The following RBL1 variants were observed in gnomAD, a reference collection of about 807,000 sequenced individuals.
The protein encoded by RBL1 is retinoblastoma-like protein 1.
A neutral mutation model predicts 123.0 loss-of-function variants in RBL1; 82 were observed. The ratio of observed to expected loss-of-function variants is 0.67; its 90% confidence interval spans 0.56 to 0.80. The LOEUF (loss-of-function observed/expected upper bound fraction) is 0.80. RBL1 is among the 30% of genes least tolerant of loss of function. RBL1 has a pLI of 0.00. For missense variants in RBL1, 1,171 were observed against 1,299.6 expected, an observed-to-expected ratio of 0.90 and a Z score of 1.52; for synonymous variants, 405 against 441.3, an observed-to-expected ratio of 0.92 and a Z score of 1.03.
At position 37,050,338 on chromosome 20, in the gene RBL1, T is replaced by C. The variant is rs147608133; in HGVS notation, c.1468-3148A>G. Among the ~76,000 whole-genome samples the C allele has an allele frequency of 6.3e-3, 956 of 151,608 alleles. 9 individuals are homozygous for C. Among genetic ancestry groups the C allele is most frequent in the South Asian group, 0.024 (117 of 4,808 alleles). On this transcript the variant is annotated intron_variant, in intron 11 of 21. Transcript: ENST00000373664. Reference sequence around the variant, plus strand: ...ACGGGCAGATCACAAGGTCAGGAGATCGAGACCATCCTGGCTAACATGGGT... The same window carrying C: ...ACGGGCAGATCACAAGGTCAGGAGACCGAGACCATCCTGGCTAACATGGGT...
At chr20:37,012,410 G>C (rs1408683486) in intron 19 of RBL1, among the ~76,000 whole-genome samples, 1 of 151,356 alleles carries the variant, frequency 6.6e-6, no homozygotes, top group African/African-American at 2.4e-5. Context: ...ATCCCATCTA[G>C]GAAGTGAGGA....
In RBL1 at chr20:37,067,015, G is replaced by T. The variant is rs750876717; in HGVS notation, c.663C>A (p.Asp221Glu). The T allele has an allele frequency of 6.2e-7, 1 of 1,608,538 alleles. No individual in the cohort carries two copies. The highest frequency in any genetic ancestry group is 1.1e-5 in the South Asian group (1 of 90,380). ...ANAIMCPNRQ[D>E]LLNPSFKGLP... ...TACCTTTAAATGATGGATTTAGCAAGTCTTGTCTATTTGGGCACATAATCG... is the reference window on the plus strand; with the variant it reads ...TACCTTTAAATGATGGATTTAGCAATTCTTGTCTATTTGGGCACATAATCG... Residue 221 changes from aspartate (D) to glutamate (E), a missense_variant, in exon 5 of 22, where the codon GAC (aspartate) becomes GAA (glutamate). Coordinates refer to ENST00000373664, the MANE Select transcript of RBL1 (RefSeq NM_002895.5).
chr20:37,002,548 C>T (rs1407685958), intron 21 of RBL1, among the ~76,000 whole-genome samples: 4 of 151,162 alleles, frequency 2.6e-5, no homozygotes, highest in African/African-American at 9.7e-5. Context: ...ACCATGTTGG[C>T]CAGGCTGGTC....
chr20:37,067,223 G>A lies in RBL1; in HGVS notation c.556+10C>T. On this transcript the variant is annotated intron_variant, in intron 4 of 21. Transcript: ENST00000373664. ...GTAGAAATGTAAGACCACTGAAAGT[G>A]TCATCTTACCCTTAGTATAAACAAA... The A allele has an allele frequency of 6.3e-7, 1 of 1,594,788 alleles. No individual in the cohort carries two copies. The highest frequency in any genetic ancestry group is 8.5e-7 in the Non-Finnish European group (1 of 1,173,540).
At chr20:37,095,232 G>A (rs1177875945) in intron 1 of RBL1, among the ~76,000 whole-genome samples, 1 of 152,166 alleles carries the variant, frequency 6.6e-6, no homozygotes, top group African/African-American at 2.4e-5. Flanking sequence ...GCGACCGGCA[G>A]CTCCACCCTG....
chr20:37,067,089 T>C lies in RBL1; in HGVS notation c.589A>G (p.Asn197Asp). 6.2e-7 allele frequency: 1 copy of C among 1,603,338 alleles called. No individual in the cohort carries two copies. The highest frequency in any genetic ancestry group is 8.5e-7 in the Non-Finnish European group (1 of 1,176,998). The change falls in exon 5 of 22, where the codon AAC (asparagine) becomes GAC (aspartate). Residue 197 changes from asparagine to aspartate, a missense_variant. Coordinates refer to ENST00000373664, the MANE Select transcript of RBL1 (RefSeq NM_002895.5). The stretch of plus-strand genomic sequence containing the variant: ...CAGCATAGAAGTAAATGATAAGAGT[T>C]TACTAAGTCATCCCCAATCATCCGA... ...NFRMIGDDLV[N>D]SYHLLLCCLD...
At chr20:37,016,359 T>A (rs528767321) in intron 19 of RBL1, among the ~76,000 whole-genome samples, 1 of 152,008 alleles carries the variant, frequency 6.6e-6, no homozygotes, top group Non-Finnish European at 1.5e-5. Flanking sequence ...CCTCGTTGCC[T>A]TGAAAAGGCT....
At position 37,013,301 on chromosome 20, in the gene RBL1, G is replaced by A. The variant is rs2064194587; in HGVS notation, c.2722+4978C>T. Reference sequence around the variant, plus strand: ...TCTGTGACCTTACCCCCAACCCTGTGCTCTCTGAAACATGTGCTGTGTCCA... The same window carrying A: ...TCTGTGACCTTACCCCCAACCCTGTACTCTCTGAAACATGTGCTGTGTCCA... On this transcript the variant is annotated intron_variant, in intron 19 of 21. Coordinates refer to ENST00000373664, the MANE Select transcript of RBL1 (RefSeq NM_002895.5). Among the ~76,000 whole-genome samples the A allele has an allele frequency of 3.3e-5, 5 of 151,708 alleles. No homozygotes were observed. The South Asian group carries it at 1.0e-3, about 32-fold the overall frequency.
chr20:37,052,783 T>G (rs2064939836), intron 11 of RBL1, among the ~76,000 whole-genome samples: 1 of 152,126 alleles, frequency 6.6e-6, no homozygotes, highest in Admixed American at 6.5e-5. Flanking sequence ...GTGCTAGGAT[T>G]AGAGATGTGA....
intron 1 of RBL1, 47 bp downstream of exon 1, chr20:37,095,726 G>T: frequency 6.6e-7 from 1 of 1,508,130 alleles, no homozygotes; most frequent in Non-Finnish European, 8.9e-7. Flanking sequence ...GGCAGGGGTG[G>T]GGCCTGGCGA....
At chr20:37,069,366 C>G (rs1200549219) in intron 2 of RBL1, among the ~76,000 whole-genome samples, 2 of 150,508 alleles carry the variant, frequency 1.3e-5, no homozygotes, top group African/African-American at 4.9e-5. Context: ...CGTCTCCGCC[C>G]GGCCGCCATC....
chr20:37,076,462 C>T (rs543928350), intron 2 of RBL1, among the ~76,000 whole-genome samples: 1 of 152,258 alleles, frequency 6.6e-6, no homozygotes, highest in South Asian at 2.1e-4. Flanking sequence ...CTGAGAGGGC[C>T]ACTAAGTGGC....
At chr20:37,067,395 A>C in intron 3 of RBL1, 98 bp from the exon 4 acceptor site, 1 of 914,048 alleles carries the variant, frequency 1.1e-6, no homozygotes, top group Non-Finnish European at 1.6e-6. Flanking sequence ...CAAATTACAC[A>C]TGAAATTCCA....
chr20:37,016,021 GTTTTTT>G (rs1205524942), intron 19 of RBL1, among the ~76,000 whole-genome samples: 2 of 112,508 alleles, frequency 1.8e-5, no homozygotes, highest in Non-Finnish European at 3.5e-5. Context: ...GTGCCCAGCG[GTTTTTT>G]TTTTTTTTTT....
At chr20:37,069,875 G>A (rs1291252073) in intron 2 of RBL1, among the ~76,000 whole-genome samples, 2 of 150,044 alleles carry the variant, frequency 1.3e-5, no homozygotes. Flanking sequence ...CCGGCCAGCC[G>A]CCCCGTCCAG....
At chr20:37,051,139 C>A (rs1245964698) in intron 11 of RBL1, among the ~76,000 whole-genome samples, 1 of 152,102 alleles carries the variant, frequency 6.6e-6, no homozygotes, top group Non-Finnish European at 1.5e-5. Context: ...CCTCAAACTC[C>A]TGGGCTCAAG....
Position 37,095,850 on chromosome 20 carries a change from C to G in RBL1, c.79G>C (p.Glu27Gln). 1 of 1,608,432 alleles carries G rather than the reference C, an allele frequency of 6.2e-7. No individual in the cohort carries two copies. The highest frequency in any genetic ancestry group is 8.5e-7 in the Non-Finnish European group (1 of 1,178,302). The change falls in exon 1 of 22, where the codon GAG (glutamate) becomes CAG (glutamine). Residue 27 changes from glutamate (E) to glutamine (Q), a missense_variant. Physicochemically the swap from Glu to Gln is conservative, Grantham distance 29. Coordinates refer to ENST00000373664, the MANE Select transcript of RBL1 (RefSeq NM_002895.5). ...GCGCTCCCCTCGTCCAGGTTCAGCT[C>G]CTGGCACAGGGCCTGTAGCGCCTCC... ...AGEALQALCQ[E>Q]LNLDEGSAAE...
intron 2 of RBL1, among the ~76,000 whole-genome samples, chr20:37,072,140 CA>C (rs1452022538): frequency 5.3e-5 from 8 of 152,084 alleles, no homozygotes; most frequent in Admixed American, 1.3e-4. Flanking sequence ...TTTTGGCTTA[CA>C]AAAAATTATG....
intron 2 of RBL1, among the ~76,000 whole-genome samples, chr20:37,069,801 G>T (rs537259017): frequency 6.6e-6 from 1 of 151,514 alleles, no homozygotes; most frequent in Admixed American, 6.5e-5. Context: ...GGAGGTGGGG[G>T]GGTCAGCCCC....
Sources: gnomAD v4.1 joint callset for allele counts (sites outside exome capture counted in the v4.1 genomes callset) on GRCh38, gnomAD v4.1.1 for gene constraint, MANE v1.5 for transcripts, NCBI Gene and HGNC (gene_info 2026-07-23, HGNC 2026-07-21) for gene names.